ANKIB1: variants seen among roughly 807,000 people sequenced by gnomAD.
ANKIB1 encodes ankyrin repeat and IBR domain-containing protein 1.
A neutral mutation model predicts 122.1 loss-of-function variants in ANKIB1; 43 were observed. That is an observed-to-expected ratio of 0.35 (90% CI 0.28 to 0.45). The LOEUF is 0.45. ANKIB1 is among the 20% of genes least tolerant of loss of function. The pLI, the probability that ANKIB1 is intolerant of heterozygous loss-of-function variation, is 1.00. For missense variants in ANKIB1, 992 were observed against 1,329.5 expected, an observed-to-expected ratio of 0.75 and a Z score of 3.95; for synonymous variants, 390 against 442.0, an observed-to-expected ratio of 0.88 and a Z score of 1.48.
chr7:92,388,904 A>G (rs1804725487), intron 14 of ANKIB1, among the ~76,000 whole-genome samples: 1 of 152,198 alleles, frequency 6.6e-6, no homozygotes, highest in Non-Finnish European at 1.5e-5. Flanking sequence ...CATTAATGAT[A>G]TAACTATATT....
At chr7:92,397,587 T>C in intron 18 of ANKIB1, 136 bp from the exon 19 acceptor site, 1 of 842,630 alleles carries the variant, frequency 1.2e-6, no homozygotes. Flanking sequence ...CCCAGAAAGA[T>C]TAAGTGAACA....
chr7:92,296,937 A>G (rs1455387656), intron 2 of ANKIB1, among the ~76,000 whole-genome samples: 1 of 152,272 alleles, frequency 6.6e-6, no homozygotes, highest in East Asian at 1.9e-4. Context: ...TATTTCTCTA[A>G]AAATAGATAC....
chr7:92,395,192 C>G (rs978149291), intron 17 of ANKIB1, among the ~76,000 whole-genome samples: 1 of 152,106 alleles, frequency 6.6e-6, no homozygotes, highest in African/African-American at 2.4e-5. Flanking sequence ...CCAGGTTGTA[C>G]CCTCTGGTGA....
chr7:92,353,765 G>A (rs2131986885), intron 9 of ANKIB1, among the ~76,000 whole-genome samples: 1 of 152,282 alleles, frequency 6.6e-6, no homozygotes, highest in East Asian at 1.9e-4. Context: ...CTGGAACACA[G>A]CCACACCATT....
intron 14 of ANKIB1, 66 bp downstream of exon 14, chr7:92,388,107 G>C (rs1804702669): frequency 7.1e-7 from 1 of 1,401,810 alleles, no homozygotes; most frequent in African/African-American, 1.4e-5. Flanking sequence ...CATTTCACTA[G>C]TAGGTTAGGC....
intron 11 of ANKIB1, among the ~76,000 whole-genome samples, chr7:92,381,970 T>C (rs1467270373): frequency 6.6e-6 from 1 of 151,960 alleles, no homozygotes; most frequent in African/African-American, 2.4e-5. Context: ...AGTCAAGACT[T>C]ATCAATGTGC....
At chr7:92,306,898 A>G (rs964506435) in intron 2 of ANKIB1, among the ~76,000 whole-genome samples, 7 of 152,206 alleles carry the variant, frequency 4.6e-5, no homozygotes, top group African/African-American at 1.7e-4. Flanking sequence ...CCACTAATAT[A>G]GTAGTTGTTG....
chr7:92,370,671 C>A (rs1804224709), intron 10 of ANKIB1, among the ~76,000 whole-genome samples: 1 of 152,046 alleles, frequency 6.6e-6, no homozygotes, highest in South Asian at 2.1e-4. Context: ...GTGGGTACTT[C>A]AGATGTCCTG....
At chr7:92,285,982 A>G (rs895661476) in intron 1 of ANKIB1, among the ~76,000 whole-genome samples, 1 of 152,178 alleles carries the variant, frequency 6.6e-6, no homozygotes, top group African/African-American at 2.4e-5. Context: ...CCTGTCACCT[A>G]TAGGAAACAA....
intron 1 of ANKIB1, among the ~76,000 whole-genome samples, chr7:92,272,566 TA>T (rs1801820144): frequency 1.3e-5 from 2 of 152,078 alleles, no homozygotes; most frequent in African/African-American, 4.8e-5. Flanking sequence ...TGAAAAGCCC[TA>T]GGATGACAGT....
At chr7:92,374,540 G>A (rs778941139) in intron 11 of ANKIB1, among the ~76,000 whole-genome samples, 10 of 152,020 alleles carry the variant, frequency 6.6e-5, no homozygotes, top group Non-Finnish European at 1.3e-4. Flanking sequence ...ATTTTAAATA[G>A]CAACTCTTGA....
chr7:92,246,160 A>G lies in ANKIB1; in HGVS notation c.-450A>G. ...CGGGGCTGCGAGCGCGCAAGGCTGG[A>G]ACATGAGCCGGGCTTGACCGCGAGG... On this transcript the variant is annotated 5_prime_UTR_variant, in exon 1 of 20. Coordinates refer to ENST00000265742, the MANE Select transcript of ANKIB1 (RefSeq NM_019004.2). The G allele has an allele frequency of 9.1e-6, 3 of 328,854 alleles. No individual in the cohort carries two copies. Among genetic ancestry groups the G allele is most frequent in the Non-Finnish European group, 1.7e-5 (3 of 174,528 alleles). 20.4% of individuals were successfully genotyped at this position (328,854 alleles called of 1,614,324 possible).
At chr7:92,347,485 G>C (rs536722368) in intron 7 of ANKIB1, among the ~76,000 whole-genome samples, 4 of 152,094 alleles carry the variant, frequency 2.6e-5, no homozygotes, top group Non-Finnish European at 2.9e-5. Flanking sequence ...CATGTCTGTA[G>C]TCCTAGCTAC....
intron 1 of ANKIB1, among the ~76,000 whole-genome samples, chr7:92,291,186 C>A (rs192901428): frequency 1.3e-5 from 2 of 151,558 alleles, no homozygotes; most frequent in Admixed American, 1.3e-4. Flanking sequence ...TCCAGCTACT[C>A]GGGAGTCTGA....
At chr7:92,362,000 G>A (rs1307744329) in intron 9 of ANKIB1, among the ~76,000 whole-genome samples, 185 bp from the exon 10 acceptor site, 1 of 151,530 alleles carries the variant, frequency 6.6e-6, no homozygotes, top group Non-Finnish European at 1.5e-5. Flanking sequence ...TAGTAGAGAC[G>A]GGGTTTCACC....
chr7:92,370,197 T>C (rs1804204097), intron 10 of ANKIB1, among the ~76,000 whole-genome samples: 1 of 151,704 alleles, frequency 6.6e-6, no homozygotes, highest in African/African-American at 2.4e-5. Context: ...TGGCAGGGGA[T>C]GGGAGGATGA....
At chr7:92,273,949 T>G (rs1801847944) in intron 1 of ANKIB1, among the ~76,000 whole-genome samples, 1 of 151,936 alleles carries the variant, frequency 6.6e-6, no homozygotes, top group Non-Finnish European at 1.5e-5. Flanking sequence ...GTTTTTTTAT[T>G]TTTTGTAGAG....
At chr7:92,370,508 CAAAAAAAAAA>C (rs34318038) in intron 10 of ANKIB1, among the ~76,000 whole-genome samples, 10,500 of 32,090 alleles carry the variant, frequency 0.33, 429 homozygotes, top group East Asian at 0.5. Context: ...ACTCTTGTCT[CAAAAAAAAAA>C]AAAAAAAAAA....
chr7:92,249,241 C>CTG (rs1434437034), intron 1 of ANKIB1, among the ~76,000 whole-genome samples: 1 of 152,134 alleles, frequency 6.6e-6, no homozygotes, highest in East Asian at 1.9e-4. Flanking sequence ...TGAGCATCTA[C>CTG]TGTGTGTGCC....
Sources: gnomAD v4.1 joint callset for allele counts (sites outside exome capture counted in the v4.1 genomes callset) on GRCh38, gnomAD v4.1.1 for gene constraint, MANE v1.5 for transcripts, NCBI Gene and HGNC (gene_info 2026-07-23, HGNC 2026-07-21) for gene names.